The following NAV3 variants were observed in gnomAD, a reference collection of about 807,000 sequenced individuals.
NAV3 encodes the protein neuron navigator 3.
A neutral mutation model predicts 244.7 loss-of-function variants in NAV3; 87 were observed. The observed-to-expected ratio is 0.36, with a 90% CI of 0.30 to 0.42. The LOEUF (loss-of-function observed/expected upper bound fraction) is 0.42. NAV3 is among the 20% of genes least tolerant of loss of function. NAV3 has a pLI of 1.00. For missense variants in NAV3, 2,663 were observed against 2,893.3 expected (o/e 0.92, Z 1.83); for synonymous variants, 1,126 against 1,042.2 (o/e 1.08, Z -1.55).
intron 5 of NAV3, among the ~76,000 whole-genome samples, chr12:77,992,402 T>C (rs1871600907): frequency 6.6e-6 from 1 of 152,190 alleles, no homozygotes; most frequent in South Asian, 2.1e-4. Flanking sequence ...TCTGTAATAA[T>C]TGAAAGGGAA....
chr12:77,582,107 T>C lies in NAV3; in HGVS notation c.72+9841T>C, dbSNP rs550403807. The stretch of plus-strand genomic sequence containing the variant: ...TCCCAAGATCATACAACTCACCAGG[T>C]TGCATCTTTTTATTTTGCTTAGTGG... On this transcript the variant is annotated intron_variant, in intron 2 of 8. Transcript: ENST00000550042. Among the ~76,000 whole-genome samples the C allele has an allele frequency of 3.3e-5, 5 of 152,330 alleles. No individual in the cohort carries two copies. In the East Asian group the frequency reaches 5.8e-4, roughly 18 times the overall value.
intron 16 of NAV3, among the ~76,000 whole-genome samples, chr12:78,125,472 TG>T (rs1421337149): frequency 1.3e-5 from 2 of 152,338 alleles, no homozygotes; most frequent in African/African-American, 4.8e-5. Flanking sequence ...ATATTTGTTT[TG>T]GGTTTTGTTT....
upstream of NAV3, among the ~76,000 whole-genome samples, chr12:77,827,847 C>A (rs771947992): frequency 7.9e-5 from 12 of 152,186 alleles, no homozygotes; most frequent in Non-Finnish European, 1.6e-4. Flanking sequence ...ACAGCAACTT[C>A]CAAATTCATA....
In NAV3 at chr12:77,904,323, G is replaced by A. The variant is rs1370365004; in HGVS notation, c.244-35996G>A. 2.0e-5 allele frequency among the ~76,000 whole-genome samples: 3 copies of A among 152,194 alleles called. No homozygotes were observed. The East Asian group carries it at 5.8e-4, about 29-fold the overall frequency. On this transcript the variant is annotated intron_variant, in intron 1 of 39. Coordinates refer to ENST00000397909, the MANE Select transcript of NAV3 (RefSeq NM_001024383.2). ...GGAATACTATGCAGCCATAAAAAAT[G>A]ATGAGTTCATGTCCTTTGTAGGGAC...
At chr12:78,164,199 A>G (rs993490400) in intron 23 of NAV3, among the ~76,000 whole-genome samples, 9 of 152,114 alleles carry the variant, frequency 5.9e-5, no homozygotes, top group African/African-American at 1.9e-4. Flanking sequence ...AGTTCCCTGT[A>G]GCTGTCATGC....
At chr12:77,966,106 C>T in intron 3 of NAV3, 123 bp from the exon 4 acceptor site, 3 of 840,714 alleles carry the variant, frequency 3.6e-6, no homozygotes, top group Non-Finnish European at 5.9e-6. Context: ...CTGGTTAAGA[C>T]TTCTAGTATG....
intron 12 of NAV3, among the ~76,000 whole-genome samples, chr12:78,092,789 C>A (rs898488234): frequency 2.0e-5 from 3 of 151,932 alleles, no homozygotes; most frequent in African/African-American, 7.2e-5. Context: ...CGTGAGCCAC[C>A]GCGCCCGGCC....
intron 24 of NAV3, among the ~76,000 whole-genome samples, chr12:78,173,256 G>T (rs899049614): frequency 6.6e-6 from 1 of 151,400 alleles, no homozygotes; most frequent in East Asian, 1.9e-4. Flanking sequence ...TAATATTATG[G>T]CTTTGCTAAT....
intron 5 of NAV3, among the ~76,000 whole-genome samples, chr12:77,990,920 C>G (rs1254734539): frequency 6.6e-6 from 1 of 152,104 alleles, no homozygotes; most frequent in Non-Finnish European, 1.5e-5. Flanking sequence ...GAAAAATTGT[C>G]TCTATTAATT....
chr12:78,164,156 T>C (rs2139479747), intron 23 of NAV3, among the ~76,000 whole-genome samples: 2 of 152,226 alleles, frequency 1.3e-5, no homozygotes, highest in South Asian at 4.1e-4. Context: ...AGCTAAATAT[T>C]TCAGAATTTA....
chr12:77,662,223 A>ATCTG lies in NAV3; in HGVS notation c.72+89961_72+89964dup, dbSNP rs540033274. Among the ~76,000 whole-genome samples the ATCTG allele has an allele frequency of 1.4e-4, 16 of 112,862 alleles. No individual in the cohort carries two copies. The East Asian group carries it at 3.4e-3, about 24-fold the overall frequency. 74.0% of individuals were successfully genotyped at this position (112,862 alleles called of 152,430 possible). On this transcript the variant is annotated intron_variant, in intron 2 of 8. Coordinates refer to the NAV3 transcript ENST00000550042. ...CACCTTATTATATATCTTCATATCTATCTGTCTATCTATCTATCTATCTAT... is the reference window on the plus strand; with the variant it reads ...CACCTTATTATATATCTTCATATCTATCTGTCTGTCTATCTATCTATCTATCTAT...
In NAV3 at chr12:77,758,458, T is replaced by A. The variant is rs77614859; in HGVS notation, c.73-181861T>A. ...CTGTCACTCAAGAAAATCAACAACA[T>A]GTTTGGCCAGAGGAAACAAGCACAG... On this transcript the variant is annotated intron_variant, in intron 2 of 8. Transcript: ENST00000550042. Among the ~76,000 whole-genome samples, 700 of 152,310 alleles carry A rather than the reference T, an allele frequency of 4.6e-3. 3 individuals are homozygous for A. Among genetic ancestry groups the A allele is most frequent in the Non-Finnish European group, 7.5e-3 (508 of 68,022 alleles).
At chr12:77,923,182 G>A (rs1264506465) in intron 1 of NAV3, among the ~76,000 whole-genome samples, 1 of 151,902 alleles carries the variant, frequency 6.6e-6, no homozygotes, top group Non-Finnish European at 1.5e-5. Context: ...CATAAAAAGA[G>A]AATAAAGGAA....
intron 8 of NAV3, among the ~76,000 whole-genome samples, chr12:78,012,308 C>T (rs1021704833): frequency 1.3e-5 from 2 of 152,070 alleles, no homozygotes; most frequent in Non-Finnish European, 2.9e-5. Flanking sequence ...TCCAATGAGT[C>T]TCCCAGCTTC....
At chr12:77,980,091 G>T (rs1292209614) in intron 5 of NAV3, among the ~76,000 whole-genome samples, 1 of 152,062 alleles carries the variant, frequency 6.6e-6, no homozygotes, top group Non-Finnish European at 1.5e-5. Flanking sequence ...CAGATGAGGG[G>T]CTTGGCGTCT....
At chr12:78,130,872 C>A in intron 18 of NAV3, 1 of 194,408 alleles carries the variant, frequency 5.1e-6, no homozygotes, top group Non-Finnish European at 1.1e-5. Flanking sequence ...CCAGGTACTC[C>A]AGCACCTCTT....
intron 2 of NAV3, among the ~76,000 whole-genome samples, chr12:77,698,628 G>A (rs1875420780): frequency 6.6e-6 from 1 of 152,156 alleles, no homozygotes; most frequent in Non-Finnish European, 1.5e-5. Flanking sequence ...TTGAAGCTGT[G>A]AGAATGGGTA....
chr12:78,118,162 C>G lies in NAV3; in HGVS notation c.2905C>G (p.Pro969Ala), dbSNP rs2138569596. The G allele has an allele frequency of 6.2e-7, 1 of 1,613,926 alleles. No homozygotes were observed. The highest frequency in any genetic ancestry group is 8.5e-7 in the Non-Finnish European group (1 of 1,179,964). The stretch of plus-strand genomic sequence containing the variant: ...GTGGAAGACTGTGTCCTCTGGACTT[C>G]CTGAAGACCCCGAGAAGGCAGGGCA... ...GKWKTVSSGL[P>A]EDPEKAGQKA... The change falls in exon 14 of 40, where the codon CCT (proline) becomes GCT (alanine). Residue 969 changes from proline (P) to alanine (A), a missense_variant. Physicochemically the swap from Pro to Ala is conservative, Grantham distance 27. Around this residue, in one of 6 missense-constraint regions of NAV3, gnomAD observed 1,521 missense variants for 1,497.0 expected, o/e 1.02. Coordinates refer to ENST00000397909, the MANE Select transcript of NAV3 (RefSeq NM_001024383.2).
At chr12:78,107,608 GA>G (rs372190862) in intron 12 of NAV3, among the ~76,000 whole-genome samples, 95 of 147,284 alleles carry the variant, frequency 6.5e-4, no homozygotes, top group African/African-American at 2.1e-3. Context: ...AGTGCTTAAA[GA>G]AAAAAAAAAC....
Sources: allele counts gnomAD v4.1 joint callset (sites outside exome capture counted in the v4.1 genomes callset), GRCh38; gene constraint gnomAD v4.1.1; regional missense constraint gnomAD v4.1.1; transcripts MANE v1.5; gene names NCBI Gene and HGNC (gene_info 2026-07-23, HGNC 2026-07-21).